Variants in SEMA3E observed in about 807,000 individuals in gnomAD.
SEMA3E encodes semaphorin-3E.
Under a neutral mutation model 93.6 loss-of-function variants are expected in SEMA3E, and 49 were observed. The ratio of observed to expected loss-of-function variants is 0.52; its 90% CI spans 0.42 to 0.66. SEMA3E has a LOEUF of 0.66. Ranked by LOEUF, SEMA3E falls within the 30% of genes least tolerant of loss-of-function variation. SEMA3E has a pLI of 0.00. For missense variants in SEMA3E, 906 were observed against 964.8 expected, an observed-to-expected ratio of 0.94 and a Z score of 0.81; for synonymous variants, 363 against 330.7, an observed-to-expected ratio of 1.10 and a Z score of -1.06.
chr7:83,391,702 C>G (rs997300650), intron 14 of SEMA3E, among the ~76,000 whole-genome samples: 3 of 151,830 alleles, frequency 2.0e-5, no homozygotes, highest in African/African-American at 7.3e-5. Flanking sequence ...ATATTTGAAC[C>G]TATAAAACAA....
chr7:83,595,438 A>G (rs1441722280), intron 1 of SEMA3E, among the ~76,000 whole-genome samples: 1 of 152,080 alleles, frequency 6.6e-6, no homozygotes. Flanking sequence ...TATGATACAC[A>G]TATCAAAACT....
intron 11 of SEMA3E, 121 bp downstream of exon 11, chr7:83,399,907 G>A (rs1009106321): frequency 6.2e-6 from 5 of 812,236 alleles, no homozygotes; most frequent in Non-Finnish European, 8.5e-6. Context: ...TTTTGGATTA[G>A]CAGTGTGAAA....
intron 14 of SEMA3E, among the ~76,000 whole-genome samples, chr7:83,387,773 GA>G (rs1198892174): frequency 2.7e-5 from 4 of 146,554 alleles, no homozygotes; most frequent in African/African-American, 5.0e-5. Flanking sequence ...ATATATAACT[GA>G]AAAAAATACA....
At chr7:83,410,383 C>G (rs1270185518) in intron 5 of SEMA3E, among the ~76,000 whole-genome samples, 2 of 151,860 alleles carry the variant, frequency 1.3e-5, no homozygotes, top group Non-Finnish European at 2.9e-5. Flanking sequence ...CTAGTATATT[C>G]AACTTACGCT....
intron 1 of SEMA3E, among the ~76,000 whole-genome samples, chr7:83,500,991 G>A (rs1040092404): frequency 6.6e-6 from 1 of 152,146 alleles, no homozygotes; most frequent in Non-Finnish European, 1.5e-5. Flanking sequence ...AGCATGTTTA[G>A]ATAGGATTCA....
intron 1 of SEMA3E, among the ~76,000 whole-genome samples, chr7:83,632,227 T>A (rs1234848721): frequency 6.7e-6 from 1 of 150,374 alleles, no homozygotes; most frequent in Non-Finnish European, 1.5e-5. Context: ...ATCTCTGGAG[T>A]ATAAATTCTG....
intron 4 of SEMA3E, among the ~76,000 whole-genome samples, chr7:83,430,855 GA>G (rs1193478047): frequency 6.6e-6 from 1 of 151,974 alleles, no homozygotes; most frequent in Non-Finnish European, 1.5e-5. Flanking sequence ...AAAAATGAAA[GA>G]AAAAATTGAT....
chr7:83,387,060 A>G lies in SEMA3E; in HGVS notation c.1668-10T>C, dbSNP rs1284168796. 1 of 1,612,264 alleles carries G rather than the reference A, an allele frequency of 6.2e-7. No individual in the cohort carries two copies. The highest frequency in any genetic ancestry group is 2.2e-5 in the East Asian group (1 of 44,732). ...TTGTCTCCGGAAACGCCTGAAAGAAAGTAAATGCATTTAGATGTTCATTTT... is the reference window on the plus strand; with the variant it reads ...TTGTCTCCGGAAACGCCTGAAAGAAGGTAAATGCATTTAGATGTTCATTTT... On this transcript the variant is annotated splice_polypyrimidine_tract_variant and intron_variant, in intron 14 of 16. Transcript: ENST00000643230.
intron 1 of SEMA3E, among the ~76,000 whole-genome samples, chr7:83,539,872 T>C (rs181126749): frequency 3.6e-5 from 4 of 110,092 alleles, no homozygotes; most frequent in South Asian, 3.4e-4. Context: ...TGTGTGTGTG[T>C]GTGTGTGTGT....
At chr7:83,472,876 A>G (rs1789931546) in intron 2 of SEMA3E, among the ~76,000 whole-genome samples, 1 of 152,138 alleles carries the variant, frequency 6.6e-6, no homozygotes, top group Non-Finnish European at 1.5e-5. Flanking sequence ...AAGATCTGAT[A>G]GTTTCATAAG....
rs1259680510 is a variant in SEMA3E at position 83,363,760 on chromosome 7, A to C, written c.*3826T>G. 6.6e-6 allele frequency: 1 copy of C among 151,168 alleles called. No individual in the cohort carries two copies. The highest frequency in any genetic ancestry group is 1.5e-5 in the Non-Finnish European group (1 of 67,948). The allele number at this position is 151,168 out of a possible 1,614,324, so 9.4% of individuals were successfully genotyped here. ...GTAAGAAAAAGAGTATGGACTTCTTATTATAAATGTTGCATTTTCTCTTGG... is the reference window on the plus strand; with the variant it reads ...GTAAGAAAAAGAGTATGGACTTCTTCTTATAAATGTTGCATTTTCTCTTGG... On this transcript the variant is annotated 3_prime_UTR_variant, in exon 17 of 17. Transcript: ENST00000643230.
intron 12 of SEMA3E, among the ~76,000 whole-genome samples, chr7:83,395,034 T>C (rs1274621207): frequency 6.6e-6 from 1 of 152,130 alleles, no homozygotes; most frequent in African/African-American, 2.4e-5. Context: ...TTTGAAAAGC[T>C]GTTTGTTAAG....
intron 1 of SEMA3E, among the ~76,000 whole-genome samples, chr7:83,625,909 G>A (rs1793660520): frequency 6.6e-6 from 1 of 151,982 alleles, no homozygotes. Context: ...AGTGTTTTTA[G>A]CATGAAGGGG....
At chr7:83,422,692 T>A (rs1191594583) in intron 4 of SEMA3E, among the ~76,000 whole-genome samples, 1 of 152,246 alleles carries the variant, frequency 6.6e-6, no homozygotes, top group Non-Finnish European at 1.5e-5. Flanking sequence ...CAGTTTTTGA[T>A]GTCTAATGAC....
chr7:83,458,951 A>ATG (rs1428322558), intron 4 of SEMA3E, among the ~76,000 whole-genome samples: 27 of 74,744 alleles, frequency 3.6e-4, no homozygotes, highest in Admixed American at 2.7e-3. Flanking sequence ...ACACATATGT[A>ATG]TATGTGTGTG....
At chr7:83,465,167 T>C (rs532423084) in intron 4 of SEMA3E, among the ~76,000 whole-genome samples, 11 of 151,834 alleles carry the variant, frequency 7.2e-5, no homozygotes, top group Non-Finnish European at 1.6e-4. Context: ...AACACCTCCA[T>C]TGAGCACCTT....
At chr7:83,397,059 G>A (rs1361411286) in intron 11 of SEMA3E, among the ~76,000 whole-genome samples, 1 of 148,510 alleles carries the variant, frequency 6.7e-6, no homozygotes, top group African/African-American at 2.4e-5. Context: ...ACAGCCTGGG[G>A]GACAGAGAAG....
At chr7:83,389,532 C>A (rs1301844850) in intron 14 of SEMA3E, among the ~76,000 whole-genome samples, 1 of 125,788 alleles carries the variant, frequency 7.9e-6, no homozygotes. Flanking sequence ...AGCAAGGTTT[C>A]AGTTCATTTT....
chr7:83,506,639 A>G (rs2115626989), intron 1 of SEMA3E, among the ~76,000 whole-genome samples: 1 of 152,298 alleles, frequency 6.6e-6, no homozygotes, highest in Non-Finnish European at 1.5e-5. Context: ...ATGAGAAAAT[A>G]TAACTTAGGT....
Sources: gnomAD v4.1 joint callset for allele counts (sites outside exome capture counted in the v4.1 genomes callset) on GRCh38, gnomAD v4.1.1 for gene constraint, MANE v1.5 for transcripts, NCBI Gene and HGNC (gene_info 2026-07-23, HGNC 2026-07-21) for gene names.